TRAPPC9: variants seen among roughly 807,000 people sequenced by gnomAD.
The protein encoded by TRAPPC9 is IKK2 binding protein.
Under a neutral mutation model 124.0 loss-of-function variants are expected in TRAPPC9, and 83 were observed. The ratio of observed to expected loss-of-function variants is 0.67; its 90% CI spans 0.56 to 0.80. TRAPPC9 has a LOEUF of 0.80. Among genes scored for constraint, TRAPPC9 ranks in the 30% least tolerant of loss-of-function variants. The pLI, the probability that TRAPPC9 is intolerant of heterozygous loss-of-function variation, is 0.00. For synonymous variants in TRAPPC9, 638 were observed against 617.5 expected, an observed-to-expected ratio of 1.03 and a Z score of -0.49; for missense variants, 1,302 against 1,508.3, an observed-to-expected ratio of 0.86 and a Z score of 2.27.
intron 21 of TRAPPC9, among the ~76,000 whole-genome samples, chr8:139,760,061 T>C (rs1286082016): frequency 6.6e-6 from 1 of 152,332 alleles, no homozygotes; most frequent in South Asian, 2.1e-4. Flanking sequence ...TGCACATGCA[T>C]GTGTGCGTTT....
chr8:140,147,877 C>A (rs933787895), intron 17 of TRAPPC9, among the ~76,000 whole-genome samples: 1 of 152,248 alleles, frequency 6.6e-6, no homozygotes, highest in African/African-American at 2.4e-5. Flanking sequence ...TGACCAGACC[C>A]GGCAGGTCTA....
intron 17 of TRAPPC9, among the ~76,000 whole-genome samples, chr8:140,158,090 T>C (rs2061686158): frequency 6.6e-6 from 1 of 152,210 alleles, no homozygotes; most frequent in African/African-American, 2.4e-5. Context: ...ACCTAATATA[T>C]ACATCTTGGT....
intron 19 of TRAPPC9, among the ~76,000 whole-genome samples, chr8:139,917,719 C>A (rs1262671966): frequency 6.6e-6 from 1 of 152,210 alleles, no homozygotes. Flanking sequence ...AGGTCGCTTG[C>A]CCAAGGCCAC....
chr8:139,806,637 ACT>A (rs1273615131), intron 21 of TRAPPC9, among the ~76,000 whole-genome samples: 1 of 151,996 alleles, frequency 6.6e-6, no homozygotes, highest in East Asian at 1.9e-4. Context: ...CCCCATCCTG[ACT>A]CTGAGTGGCT....
At chr8:139,919,102 C>T (rs1832339397) in intron 19 of TRAPPC9, among the ~76,000 whole-genome samples, 2 of 152,238 alleles carry the variant, frequency 1.3e-5, no homozygotes, top group Admixed American at 1.3e-4. Context: ...CTCCCCGAGG[C>T]TTTGGCGCCC....
Position 140,420,745 on chromosome 8 carries a change from T to A in TRAPPC9, c.886+5870A>T, listed in dbSNP as rs988113609. On this transcript the variant is annotated intron_variant, in intron 5 of 22. Transcript: ENST00000438773. ...CAAATATCTAGTGAAAAATAACTTA[T>A]AAATAAGAGTATATTTAAGTTTTTC... is the stretch of plus-strand genomic sequence containing the variant. Among the ~76,000 whole-genome samples, 4 of 152,114 alleles carry A rather than the reference T, an allele frequency of 2.6e-5. No individual in the cohort carries two copies. The East Asian group carries it at 5.8e-4, about 22-fold the overall frequency.
At chr8:140,137,962 CATA>C (rs2061330581) in intron 17 of TRAPPC9, among the ~76,000 whole-genome samples, 1 of 152,212 alleles carries the variant, frequency 6.6e-6, no homozygotes, top group Non-Finnish European at 1.5e-5. Context: ...GAGATATTGG[CATA>C]ATACGTGCCA....
At chr8:140,206,073 C>G (rs1025131465) in intron 17 of TRAPPC9, among the ~76,000 whole-genome samples, 1 of 152,100 alleles carries the variant, frequency 6.6e-6, no homozygotes, top group Non-Finnish European at 1.5e-5. Context: ...AAGGTTTATC[C>G]CCAGAATGCA....
Position 140,063,806 on chromosome 8 carries a change from C to G in TRAPPC9, c.2557-39727G>C, listed in dbSNP as rs1842764986. Among the ~76,000 whole-genome samples, 1 of 152,124 alleles carries G rather than the reference C, an allele frequency of 6.6e-6. No individual in the cohort carries two copies. The highest frequency in any genetic ancestry group is 2.4e-5 in the African/African-American group (1 of 41,396). On this transcript the variant is annotated intron_variant, in intron 17 of 22. Transcript: ENST00000438773. The surrounding 1 kb of genome is among the most constrained non-coding windows in gnomAD (Gnocchi z 4.3). The stretch of plus-strand genomic sequence containing the variant: ...TTCTCCGAGTGTCTCCTCAGTGGCC[C>G]ATGTTGCCTGCTCTCTTGTCACCCT...
rs559842153 is a variant in TRAPPC9, at chr8:140,421,776, T to C, written c.886+4839A>G. On this transcript the variant is annotated intron_variant, in intron 5 of 22. Coordinates refer to ENST00000438773, the MANE Select transcript of TRAPPC9 (RefSeq NM_001160372.4). ...AAATGGAATCAATCAAATACTGTTT[T>C]TGAACTTTCTGTAGTCATGACACTA... is the stretch of plus-strand genomic sequence containing the variant. 2.0e-5 allele frequency among the ~76,000 whole-genome samples: 3 copies of C among 152,252 alleles called. No individual in the cohort carries two copies. The South Asian group carries it at 6.2e-4, about 32-fold the overall frequency.
intron 21 of TRAPPC9, among the ~76,000 whole-genome samples, chr8:139,787,672 T>C (rs1376067129): frequency 6.6e-6 from 1 of 152,218 alleles, no homozygotes; most frequent in East Asian, 1.9e-4. Context: ...CTATTAACTT[T>C]CACTTTAAAT....
chr8:140,052,442 G>A (rs1842060643), intron 17 of TRAPPC9, among the ~76,000 whole-genome samples: 2 of 152,122 alleles, frequency 1.3e-5, no homozygotes, highest in Non-Finnish European at 2.9e-5. Flanking sequence ...TTTGAGACCA[G>A]CCTGGGCAAT....
intron 21 of TRAPPC9, among the ~76,000 whole-genome samples, chr8:139,829,936 C>T (rs1221421449): frequency 6.6e-6 from 1 of 152,240 alleles, no homozygotes; most frequent in African/African-American, 2.4e-5. Flanking sequence ...ACAGACCACG[C>T]ACTTCCCAGG....
intron 17 of TRAPPC9, among the ~76,000 whole-genome samples, chr8:140,185,431 C>A (rs1486023625): frequency 6.6e-6 from 1 of 152,240 alleles, no homozygotes; most frequent in Non-Finnish European, 1.5e-5. Context: ...AAGTGCGTTT[C>A]TCTCTCCCTT....
chr8:140,322,912 G>A (rs1159660752), intron 9 of TRAPPC9, among the ~76,000 whole-genome samples: 4 of 152,200 alleles, frequency 2.6e-5, no homozygotes, highest in Admixed American at 6.5e-5. Flanking sequence ...CTTGGCCTTT[G>A]ACTACCTTGC....
At chr8:140,343,810 T>C (rs962221512) in intron 9 of TRAPPC9, among the ~76,000 whole-genome samples, 3 of 152,092 alleles carry the variant, frequency 2.0e-5, no homozygotes, top group Non-Finnish European at 4.4e-5. Context: ...CATTGTAAAT[T>C]CTGAAGATTT....
chr8:140,095,490 G>C (rs760236767), intron 17 of TRAPPC9: 3 of 152,120 alleles, frequency 2.0e-5, no homozygotes, highest in Non-Finnish European at 2.9e-5. Flanking sequence ...TGAGAAACAC[G>C]CAAGTGGAGA....
intron 19 of TRAPPC9, among the ~76,000 whole-genome samples, chr8:139,912,311 G>T (rs1192159723): frequency 6.6e-6 from 1 of 152,138 alleles, no homozygotes; most frequent in Non-Finnish European, 1.5e-5. Context: ...AATATGCTAT[G>T]AATATTTTCC....
chr8:140,338,806 G>A (rs879315155), intron 9 of TRAPPC9, among the ~76,000 whole-genome samples: 3 of 79,880 alleles, frequency 3.8e-5, no homozygotes, highest in African/African-American at 7.1e-5. Context: ...GCCACCAGAC[G>A]GCCACCTACA....
Sources: gnomAD v4.1 joint callset for allele counts (sites outside exome capture counted in the v4.1 genomes callset) on GRCh38, gnomAD v4.1.1 for gene constraint, Gnocchi (gnomAD v3.1) non-coding constraint, MANE v1.5 for transcripts, NCBI Gene and HGNC (gene_info 2026-07-23, HGNC 2026-07-21) for gene names.